PDE4D: variants seen among roughly 807,000 people sequenced by gnomAD.
The protein encoded by PDE4D is phosphodiesterase 4D.
Under a neutral mutation model 87.4 loss-of-function variants are expected in PDE4D, and 24 were observed. The observed-to-expected ratio is 0.27, with a 90% CI of 0.20 to 0.39. PDE4D has a LOEUF of 0.39. PDE4D is among the 10% of genes least tolerant of loss of function. PDE4D has a pLI of 1.00. For missense variants in PDE4D, 714 were observed against 1,041.0 expected, an observed-to-expected ratio of 0.69 and a Z score of 4.32; for synonymous variants, 384 against 383.2, an observed-to-expected ratio of 1.00 and a Z score of -0.02.
chr5:60,196,786 CT>C (rs998116335), intron 1 of PDE4D, among the ~76,000 whole-genome samples: 1 of 151,470 alleles, frequency 6.6e-6, no homozygotes, highest in African/African-American at 2.4e-5. Flanking sequence ...GGCACTGAGC[CT>C]TTTATTCTTT....
chr5:59,008,557 A>G (rs1252993939), intron 6 of PDE4D, among the ~76,000 whole-genome samples: 2 of 152,042 alleles, frequency 1.3e-5, no homozygotes, highest in African/African-American at 4.8e-5. Flanking sequence ...AGAAACTTCA[A>G]CCTTTATCCT....
intron 5 of PDE4D, among the ~76,000 whole-genome samples, chr5:59,060,869 CT>C (rs1402134714): frequency 6.6e-6 from 1 of 152,090 alleles, no homozygotes; most frequent in Non-Finnish European, 1.5e-5. Context: ...AGATATTTGT[CT>C]TCCCTGCCCT....
At chr5:60,302,585 GTCTCTT>G in intron 1 of PDE4D, among the ~76,000 whole-genome samples, 1 of 152,008 alleles carries the variant, frequency 6.6e-6, no homozygotes, top group East Asian at 1.9e-4. Context: ...CTAGCTAGCA[GTCTCTT>G]TTATTAATTA....
intron 1 of PDE4D, among the ~76,000 whole-genome samples, chr5:60,388,126 C>T (rs1327815800): frequency 2.0e-5 from 3 of 152,048 alleles, no homozygotes; most frequent in African/African-American, 7.2e-5. Context: ...AGATGCACCA[C>T]CCTCCAAGAA....
intron 2 of PDE4D, among the ~76,000 whole-genome samples, chr5:60,167,009 C>T (rs2149474125): frequency 6.6e-6 from 1 of 152,174 alleles, no homozygotes. Flanking sequence ...AGAATTTTAT[C>T]GTAATATGTA....
chr5:59,759,230 G>A (rs1032514110), intron 1 of PDE4D, among the ~76,000 whole-genome samples: 1 of 151,916 alleles, frequency 6.6e-6, no homozygotes, highest in Non-Finnish European at 1.5e-5. Flanking sequence ...TTTACACAAA[G>A]AATATTTTTT....
intron 1 of PDE4D, among the ~76,000 whole-genome samples, chr5:59,240,582 C>T (rs945032003): frequency 5.3e-5 from 8 of 152,132 alleles, no homozygotes; most frequent in Admixed American, 2.0e-4. Context: ...CCAAGTGGTT[C>T]AGTTGATAAC....
At chr5:59,426,349 G>A (rs566200802) in intron 1 of PDE4D, among the ~76,000 whole-genome samples, 15 of 152,256 alleles carry the variant, frequency 9.9e-5, no homozygotes, top group South Asian at 2.1e-4. Flanking sequence ...CCTTGTGATC[G>A]TTCCACAAGA....
intron 1 of PDE4D, among the ~76,000 whole-genome samples, chr5:59,810,654 C>T (rs1325331460): frequency 6.6e-6 from 1 of 152,212 alleles, no homozygotes; most frequent in Non-Finnish European, 1.5e-5. Context: ...TCCAGGTCCA[C>T]CAGCCTCAGG....
chr5:59,129,821 A>G (rs186941861), intron 5 of PDE4D, among the ~76,000 whole-genome samples: 103 of 152,232 alleles, frequency 6.8e-4, no homozygotes, highest in African/African-American at 2.3e-3. Flanking sequence ...GCTACTATAT[A>G]ATTTCAAGAC....
At chr5:60,298,766 T>G (rs2149788251) in intron 1 of PDE4D, among the ~76,000 whole-genome samples, 1 of 152,346 alleles carries the variant, frequency 6.6e-6, no homozygotes, top group East Asian at 1.9e-4. Flanking sequence ...ATCTGACCCT[T>G]CATTTTCTAT....
chr5:59,344,579 TG>T (rs1303822835), intron 1 of PDE4D, among the ~76,000 whole-genome samples: 1 of 152,004 alleles, frequency 6.6e-6, no homozygotes, highest in African/African-American at 2.4e-5. Context: ...TTAAATTTTT[TG>T]TAGAAATGGG....
intron 1 of PDE4D, among the ~76,000 whole-genome samples, chr5:59,291,109 T>C (rs564693191): frequency 2.6e-5 from 4 of 152,152 alleles, no homozygotes; most frequent in African/African-American, 9.6e-5. Flanking sequence ...AAAGTCAAAA[T>C]ATCAAAGAGT....
At chr5:60,323,726 G>A (rs77482620) in intron 1 of PDE4D, among the ~76,000 whole-genome samples, 7,885 of 151,924 alleles carry the variant, frequency 0.052, 261 homozygotes, top group Non-Finnish European at 0.072. Flanking sequence ...GCCTCTGGAT[G>A]TCTCTTGGGC....
At chr5:59,037,198 T>C (rs912420151) in intron 6 of PDE4D, among the ~76,000 whole-genome samples, 1 of 152,218 alleles carries the variant, frequency 6.6e-6, no homozygotes, top group Non-Finnish European at 1.5e-5. Flanking sequence ...ATTAAGAATA[T>C]GGATTTTAGG....
At chr5:60,069,056 C>A (rs1237463991) in intron 2 of PDE4D, among the ~76,000 whole-genome samples, 1 of 152,082 alleles carries the variant, frequency 6.6e-6, no homozygotes, top group Non-Finnish European at 1.5e-5. Flanking sequence ...AGTTTCATTC[C>A]TTAATATGGA....
intron 5 of PDE4D, among the ~76,000 whole-genome samples, chr5:59,091,432 A>G (rs1375164857): frequency 6.6e-6 from 1 of 152,148 alleles, no homozygotes; most frequent in Admixed American, 6.6e-5. Context: ...TTTATACAAC[A>G]GAATGCTATA....
At chr5:60,421,596 C>G (rs1743105733) in intron 1 of PDE4D, among the ~76,000 whole-genome samples, 2 of 152,156 alleles carry the variant, frequency 1.3e-5, no homozygotes, top group Admixed American at 1.3e-4. Flanking sequence ...GAAACCAGTG[C>G]AGAAAATTTA....
chr5:60,358,957 T>C (rs944858427), intron 1 of PDE4D, among the ~76,000 whole-genome samples: 2 of 152,216 alleles, frequency 1.3e-5, no homozygotes, highest in African/African-American at 4.8e-5. Context: ...CTTCATTCAC[T>C]AATTAATTCA....
Sources: gnomAD v4.1 joint callset for allele counts (sites outside exome capture counted in the v4.1 genomes callset) on GRCh38, gnomAD v4.1.1 for gene constraint, MANE v1.5 for transcripts, NCBI Gene and HGNC (gene_info 2026-07-23, HGNC 2026-07-21) for gene names.